Variants in TAF3 observed in about 807,000 individuals in gnomAD.
The protein encoded by TAF3 is TATA-box binding protein associated factor 3.
A neutral mutation model predicts 80.6 loss-of-function variants in TAF3; 7 were observed. The observed-to-expected ratio is 0.09, with a 90% confidence interval of 0.05 to 0.16. TAF3 has a LOEUF of 0.16. Ranked by LOEUF, TAF3 falls within the 10% of genes least tolerant of loss-of-function variation. The probability of loss-of-function intolerance (pLI) is 1.00; values close to 1 mark genes in which losing one functional copy is unlikely to be tolerated. For missense variants in TAF3, 921 were observed against 1,140.2 expected, an observed-to-expected ratio of 0.81 and a Z score of 2.77; for synonymous variants, 444 against 446.1, an observed-to-expected ratio of 1.00 and a Z score of 0.06.
intron 3 of TAF3, among the ~76,000 whole-genome samples, chr10:7,969,885 G>C (rs1181075657): frequency 6.6e-6 from 1 of 152,214 alleles, no homozygotes. Flanking sequence ...CATCCTCGCA[G>C]ACCCTCTGCT....
chr10:7,822,583 C>A (rs116738943), intron 1 of TAF3, among the ~76,000 whole-genome samples: 1 of 152,102 alleles, frequency 6.6e-6, no homozygotes, highest in Non-Finnish European at 1.5e-5. Context: ...TTCCACCCCT[C>A]GAACTGTTAA....
chr10:7,857,588 C>T (rs1588526650), intron 2 of TAF3, among the ~76,000 whole-genome samples: 1 of 152,130 alleles, frequency 6.6e-6, no homozygotes, highest in East Asian at 1.9e-4. Flanking sequence ...TTTTAAAGGG[C>T]ATTTTGATTT....
intron 1 of TAF3, among the ~76,000 whole-genome samples, chr10:7,821,043 A>G (rs1353387768): frequency 2.6e-5 from 4 of 152,140 alleles, no homozygotes; most frequent in African/African-American, 7.2e-5. Flanking sequence ...CTTTACTGCC[A>G]TTTATACAAA....
intron 2 of TAF3, among the ~76,000 whole-genome samples, chr10:7,929,044 A>G (rs984840852): frequency 1.4e-4 from 21 of 152,194 alleles, no homozygotes; most frequent in South Asian, 2.1e-4. Context: ...CTTGAATTTA[A>G]TGTAATAACA....
At chr10:7,931,696 T>G (rs1018665115) in intron 2 of TAF3, among the ~76,000 whole-genome samples, 3 of 152,248 alleles carry the variant, frequency 2.0e-5, no homozygotes, top group African/African-American at 7.2e-5. Context: ...GTTCTGCAAT[T>G]TTATTACGTA....
chr10:8,009,262 G>T lies in TAF3; in HGVS notation c.2500G>T (p.Ala834Ser), dbSNP rs150758246. The change falls in exon 5 of 7, where the codon GCC (alanine) becomes TCC (serine). Residue 834 changes from alanine to serine, a missense_variant. This residue lies in a region of TAF3 where 743 missense variants were observed against 821.0 expected (regional missense o/e 0.90). Coordinates refer to ENST00000344293, the MANE Select transcript of TAF3 (RefSeq NM_031923.4). The surrounding 1 kb of genome is among the most constrained non-coding windows in gnomAD (Gnocchi z 4.1). ...GPALLPSPGPAASGASAKAPV... is the reference protein window; with the variant it reads ...GPALLPSPGPSASGASAKAPV... ...TGCCCTGCTGCCCTCCCCGGGTCCC[G>T]CCGCCTCCGGGGCCAGTGCCAAAGC... is the stretch of plus-strand genomic sequence containing the variant. 5 of 1,552,570 alleles carry T rather than the reference G, an allele frequency of 3.2e-6. No homozygotes were observed. Among genetic ancestry groups the T allele is most frequent in the African/African-American group, 1.4e-5 (1 of 70,702 alleles).
chr10:7,854,114 C>T (rs915235295), intron 2 of TAF3, among the ~76,000 whole-genome samples: 8 of 152,094 alleles, frequency 5.3e-5, no homozygotes, highest in African/African-American at 1.9e-4. Flanking sequence ...ATCCAGTGAC[C>T]GATGTCATTA....
At chr10:7,949,759 A>AT (rs34133343) in intron 2 of TAF3, among the ~76,000 whole-genome samples, 82,305 of 151,944 alleles carry the variant, frequency 0.54, 23,759 homozygotes, top group East Asian at 0.71. Flanking sequence ...TCTATAAAAC[A>AT]TTTTTTTAAC....
rs765499253 is a variant in TAF3 at position 7,964,270 on chromosome 10, A to G, written c.760A>G (p.Lys254Glu). The G allele has an allele frequency of 3.7e-6, 6 of 1,614,192 alleles. No homozygotes were observed. The highest frequency in any genetic ancestry group is 1.3e-5 in the African/African-American group (1 of 75,036). ...GCCGCCAATGTTGGCTCCAGTTGCA[A>G]AATCACAAATGCCAACTGCAAAACC... ...PEPPMLAPVA[K>E]SQMPTAKPLE... The change falls in exon 3 of 7, where the codon AAA becomes GAA. Residue 254 changes from lysine to glutamate, a missense_variant. Coordinates refer to ENST00000344293, the MANE Select transcript of TAF3 (RefSeq NM_031923.4). The surrounding 1 kb of genome is among the most constrained non-coding windows in gnomAD (Gnocchi z 4.1).
intron 2 of TAF3, among the ~76,000 whole-genome samples, chr10:7,945,096 G>C (rs1410036367): frequency 6.6e-6 from 1 of 152,084 alleles, no homozygotes; most frequent in East Asian, 1.9e-4. Flanking sequence ...ATAGGATAAG[G>C]CTTTGTCCCA....
intron 2 of TAF3, among the ~76,000 whole-genome samples, chr10:7,858,228 A>G (rs1268459816): frequency 6.6e-6 from 1 of 152,198 alleles, no homozygotes; most frequent in East Asian, 1.9e-4. Context: ...TTTTTGTGAT[A>G]GAATATAAGA....
chr10:7,931,833 C>G (rs890796928), intron 2 of TAF3, among the ~76,000 whole-genome samples: 22 of 152,172 alleles, frequency 1.4e-4, no homozygotes, highest in African/African-American at 5.3e-4. Context: ...CTGACAGTTC[C>G]TACCTGCTCA....
chr10:7,851,740 A>T (rs1307551580), intron 2 of TAF3, among the ~76,000 whole-genome samples: 1 of 152,090 alleles, frequency 6.6e-6, no homozygotes, highest in Non-Finnish European at 1.5e-5. Flanking sequence ...TATTTTTGGC[A>T]TATCTACGGT....
intron 2 of TAF3, among the ~76,000 whole-genome samples, chr10:7,950,894 T>A (rs180785864): frequency 6.6e-6 from 1 of 152,204 alleles, no homozygotes; most frequent in Admixed American, 6.5e-5. Context: ...TCCTGTCTAG[T>A]GGTCCCAGTG....
In TAF3 at chr10:7,964,515, G is replaced by A; in HGVS notation, c.1005G>A (p.Val335=). The A allele has an allele frequency of 6.2e-7, 1 of 1,613,416 alleles. No individual in the cohort carries two copies. The highest frequency in any genetic ancestry group is 1.6e-4 in the Middle Eastern group (1 of 6,062). ...CGACTCACATTCCCCAAACACCTGTGAGACCTGAAACGCCCAACAGGACTC... is the reference window on the plus strand; with the variant it reads ...CGACTCACATTCCCCAAACACCTGTAAGACCTGAAACGCCCAACAGGACTC... The part of the protein sequence containing the change: ...KVTTHIPQTP[V]RPETPNRTPS... Residue 335 remains valine (V), a synonymous_variant, in exon 3 of 7, where the codon GTG becomes GTA. Transcript: ENST00000344293. This position sits in a 1 kb window ranked among gnomAD's most constrained non-coding sequence, Gnocchi z 4.1.
intron 2 of TAF3, among the ~76,000 whole-genome samples, chr10:7,918,278 GGAGA>G (rs1394616943): frequency 6.6e-6 from 1 of 152,160 alleles, no homozygotes; most frequent in Non-Finnish European, 1.5e-5. Context: ...ATGAAGAGTG[GGAGA>G]GAGAATGATC....
intron 2 of TAF3, among the ~76,000 whole-genome samples, chr10:7,886,011 C>G (rs1217431360): frequency 6.6e-6 from 1 of 152,102 alleles, no homozygotes; most frequent in Non-Finnish European, 1.5e-5. Context: ...TCACTACAGC[C>G]TCAACCTCCT....
intron 4 of TAF3, among the ~76,000 whole-genome samples, chr10:8,001,469 A>G (rs918760359): frequency 1.3e-5 from 2 of 152,050 alleles, no homozygotes; most frequent in African/African-American, 4.8e-5. Flanking sequence ...TTTTTTATTC[A>G]CAACAGCTGT....
At chr10:7,973,646 G>C (rs1041129005) in intron 3 of TAF3, among the ~76,000 whole-genome samples, 1 of 152,122 alleles carries the variant, frequency 6.6e-6, no homozygotes, top group East Asian at 1.9e-4. Context: ...ACCTTAATGA[G>C]CACATTGGGA....
Sources: gnomAD v4.1 joint callset for allele counts (sites outside exome capture counted in the v4.1 genomes callset) on GRCh38, gnomAD v4.1.1 for gene constraint, gnomAD v4.1.1 regional missense constraint, Gnocchi (gnomAD v3.1) non-coding constraint, MANE v1.5 for transcripts, NCBI Gene and HGNC (gene_info 2026-07-23, HGNC 2026-07-21) for gene names.